MKLN1: variants seen among roughly 807,000 people sequenced by gnomAD.
The protein encoded by MKLN1 is muskelin 1, also known as muskelin.
In MKLN1, 18 loss-of-function variants were observed where a neutral mutation model predicts 99.0. The observed-to-expected ratio is 0.18, with a 90% CI of 0.13 to 0.27. The LOEUF (loss-of-function observed/expected upper bound fraction) is 0.27, where lower values mean the gene tolerates loss of function less well. Among genes scored for constraint, MKLN1 ranks in the 10% least tolerant of loss-of-function variants. The probability of loss-of-function intolerance (pLI) is 1.00; values close to 1 mark genes in which losing one functional copy is unlikely to be tolerated. For synonymous variants in MKLN1, 288 were observed against 293.2 expected, an observed-to-expected ratio of 0.98 and a Z score of 0.18; for missense variants, 621 against 875.9, an observed-to-expected ratio of 0.71 and a Z score of 3.67.
chr7:131,476,323 A>G (rs1796965499), intron 16 of MKLN1, among the ~76,000 whole-genome samples: 1 of 152,166 alleles, frequency 6.6e-6, no homozygotes, highest in Non-Finnish European at 1.5e-5. Context: ...AAGCAATAAA[A>G]AACATATAGA....
At chr7:131,155,583 A>G (rs1196399120) in intron 2 of MKLN1, among the ~76,000 whole-genome samples, 1 of 152,166 alleles carries the variant, frequency 6.6e-6, no homozygotes, top group East Asian at 1.9e-4. Flanking sequence ...AAATTAACTA[A>G]CTTTGTAAAC....
chr7:131,317,353 C>CT (rs1239250599), intron 3 of MKLN1, among the ~76,000 whole-genome samples: 1 of 152,142 alleles, frequency 6.6e-6, no homozygotes, highest in African/African-American at 2.4e-5. Context: ...CCCAACCAAA[C>CT]TAAGCTTCTT....
intron 3 of MKLN1, among the ~76,000 whole-genome samples, chr7:131,251,505 C>A (rs913940356): frequency 6.6e-6 from 1 of 152,136 alleles, no homozygotes; most frequent in South Asian, 2.1e-4. Flanking sequence ...GACTTGCTGA[C>A]CTCCATCTCC....
At chr7:131,298,443 AT>A (rs1018615919) in intron 3 of MKLN1, among the ~76,000 whole-genome samples, 13 of 152,092 alleles carry the variant, frequency 8.5e-5, no homozygotes, top group Non-Finnish European at 1.8e-4. Flanking sequence ...TCTGGGGAAC[AT>A]TTTTTTGTTC....
intron 4 of MKLN1, among the ~76,000 whole-genome samples, chr7:131,396,065 A>AATAT (rs200317255): frequency 6.7e-6 from 1 of 149,938 alleles, no homozygotes; most frequent in Non-Finnish European, 1.5e-5. Flanking sequence ...TTTTCAATTG[A>AATAT]ATATATATAT....
chr7:131,337,461 C>A (rs1279963032), intron 1 of MKLN1, among the ~76,000 whole-genome samples: 1 of 151,950 alleles, frequency 6.6e-6, no homozygotes, highest in African/African-American at 2.4e-5. Context: ...TTCACTTATT[C>A]TGAATTTAAC....
At chr7:131,305,156 T>C (rs1021660052) in intron 3 of MKLN1, among the ~76,000 whole-genome samples, 2 of 152,204 alleles carry the variant, frequency 1.3e-5, no homozygotes, top group African/African-American at 2.4e-5. Flanking sequence ...TCTTTATGTG[T>C]TACCCAGTCT....
intron 3 of MKLN1, 66 bp downstream of exon 3, chr7:131,387,328 C>G (rs1794064217): frequency 7.0e-7 from 1 of 1,426,106 alleles, no homozygotes; most frequent in East Asian, 2.3e-5. Context: ...CTTTTTGTAG[C>G]TAATCTGCAT....
intron 1 of MKLN1, among the ~76,000 whole-genome samples, chr7:131,360,070 T>C (rs944889633): frequency 6.6e-6 from 1 of 152,164 alleles, no homozygotes; most frequent in African/African-American, 2.4e-5. Context: ...TTTTTGCTGA[T>C]GATTTTCCTT....
chr7:131,329,225 A>C lies in MKLN1; in HGVS notation c.98+1228A>C, dbSNP rs899928230. 1.3e-4 allele frequency among the ~76,000 whole-genome samples: 20 copies of C among 152,248 alleles called. 1 individual carries two copies. The highest frequency in any genetic ancestry group is 6.5e-4 in the Admixed American group (10 of 15,290). Reference sequence around the variant, plus strand: ...ATGAAGAATCTCAAAATGGAGCTGCAACTGGAAGAATCTGTCATGACTGCC... The same window carrying C: ...ATGAAGAATCTCAAAATGGAGCTGCCACTGGAAGAATCTGTCATGACTGCC... On this transcript the variant is annotated intron_variant, in intron 1 of 17. Transcript: ENST00000352689.
intron 3 of MKLN1, among the ~76,000 whole-genome samples, chr7:131,268,571 C>T (rs1243097250): frequency 6.6e-6 from 1 of 152,128 alleles, no homozygotes; most frequent in Admixed American, 6.5e-5. Context: ...CGTGGGGTTC[C>T]CAGAGTCCTT....
At chr7:131,183,709 T>A (rs146876447) in intron 2 of MKLN1, among the ~76,000 whole-genome samples, 30 of 152,244 alleles carry the variant, frequency 2.0e-4, no homozygotes, top group Non-Finnish European at 2.9e-4. Context: ...GTTTCTGAAG[T>A]TTTCCAGCCA....
Position 131,193,674 on chromosome 7 carries a change from G to A in MKLN1, c.-296-9183G>A, listed in dbSNP as rs946078525. Among the ~76,000 whole-genome samples, 11 of 152,014 alleles carry A rather than the reference G, an allele frequency of 7.2e-5. No individual in the cohort carries two copies. In the East Asian group the frequency reaches 1.2e-3, roughly 16 times the overall value. ...TGGGATTACAGGCGTGAGCCACTGC[G>A]CTCAGCTAAAAATTATTATTTTTGA... On this transcript the variant is annotated intron_variant, in intron 2 of 7. Transcript: ENST00000416992.
chr7:131,344,308 A>G (rs972882628), intron 1 of MKLN1, among the ~76,000 whole-genome samples: 5 of 152,200 alleles, frequency 3.3e-5, no homozygotes, highest in African/African-American at 1.2e-4. Flanking sequence ...AATTGCTTTG[A>G]TTATAAACAC....
rs181997631 is a variant in MKLN1, at chr7:131,419,230, A to G, written c.847+4520A>G. Among the ~76,000 whole-genome samples the G allele has an allele frequency of 6.1e-3, 850 of 139,072 alleles. 8 individuals carry two copies. The highest frequency in any genetic ancestry group is 0.011 in the Non-Finnish European group (699 of 64,806). The allele number at this position is 139,072 out of a possible 152,430, so 91.2% of individuals were successfully genotyped here. A position where few individuals can be genotyped will look rare whatever the true frequency, so the allele number is the denominator to read the frequency against. On this transcript the variant is annotated intron_variant, in intron 8 of 17. Coordinates refer to ENST00000352689, the MANE Select transcript of MKLN1 (RefSeq NM_013255.5). ...GAAGATTCATTACATATATATATGT[A>G]TATATATATATATATATTTTTGTTT...
intron 3 of MKLN1, among the ~76,000 whole-genome samples, chr7:131,304,107 CT>C (rs1241799714): frequency 6.6e-6 from 1 of 152,178 alleles, no homozygotes; most frequent in Non-Finnish European, 1.5e-5. Context: ...GGCACAGTGA[CT>C]CATGCCAGTA....
chr7:131,420,772 C>G (rs1584724146), intron 8 of MKLN1, among the ~76,000 whole-genome samples: 1 of 152,096 alleles, frequency 6.6e-6, no homozygotes, highest in East Asian at 1.9e-4. Context: ...GGGGGAAGGA[C>G]AGGGATCTTG....
chr7:131,181,662 T>C (rs1050191954), intron 2 of MKLN1, among the ~76,000 whole-genome samples: 1 of 137,286 alleles, frequency 7.3e-6, no homozygotes, highest in Non-Finnish European at 1.6e-5. Context: ...TCATCCCTAT[T>C]TTTTTTTTTT....
At chr7:131,463,128 AAAAAGAAAG>A (rs1796564394) in intron 12 of MKLN1, 80 bp from the exon 13 acceptor site, 1 of 1,200,102 alleles carries the variant, frequency 8.3e-7, no homozygotes, top group Non-Finnish European at 1.2e-6. Context: ...TGTTCTTTAA[AAAAAGAAAG>A]AAAAGAAAGG....
Sources: gnomAD v4.1 joint callset for allele counts (sites outside exome capture counted in the v4.1 genomes callset) on GRCh38, gnomAD v4.1.1 for gene constraint, MANE v1.5 for transcripts, NCBI Gene and HGNC (gene_info 2026-07-23, HGNC 2026-07-21) for gene names.